Variants in PHKA2 observed in about 807,000 individuals in gnomAD.
The protein encoded by PHKA2 is phosphorylase b kinase regulatory subunit alpha, liver isoform.
Under a neutral mutation model 102.0 loss-of-function variants are expected in PHKA2, and 31 were observed. The observed-to-expected ratio is 0.30, with a 90% confidence interval of 0.23 to 0.41. The LOEUF is 0.41. Among genes scored for constraint, PHKA2 ranks in the 10% least tolerant of loss-of-function variants. The pLI, the probability that PHKA2 is intolerant of heterozygous loss-of-function variation, is 1.00. For missense variants in PHKA2, 858 were observed against 1,023.1 expected (o/e 0.84, Z 2.20); for synonymous variants, 455 against 416.2 (o/e 1.09, Z -1.13).
chrX:18,966,156 C>T (rs1300464915), intron 1 of PHKA2, among the ~76,000 whole-genome samples: 4 of 103,367 alleles, frequency 3.9e-5, no homozygotes, highest in African/African-American at 1.1e-4. Flanking sequence ...GGCGCGATCT[C>T]GGCTCACTAC....
chrX:18,925,291 C>A (rs1034216595), intron 15 of PHKA2, among the ~76,000 whole-genome samples: 9 of 112,513 alleles, frequency 8.0e-5, no homozygotes, highest in African/African-American at 2.9e-4. Context: ...CATTCAGTAT[C>A]CCAGTAAGCG....
chrX:18,979,873 T>C (rs979471745), intron 1 of PHKA2, among the ~76,000 whole-genome samples: 2 of 111,172 alleles, frequency 1.8e-5, no homozygotes, highest in African/African-American at 6.5e-5. Context: ...AACTATTACC[T>C]CTAACAGAAG....
Position 18,946,704 on chromosome X carries a change from T to C in PHKA2, c.538-1546A>G, listed in dbSNP as rs890020812. 6.3e-5 allele frequency among the ~76,000 whole-genome samples: 7 copies of C among 110,719 alleles called. No homozygotes were observed. In the Admixed American group the frequency reaches 6.8e-4, roughly 11 times the overall value. ...CCTCTGGGACTGCACAAGCTATTCCTGCACCCAAACTCCCTATCTCCTCCC... is the reference window on the plus strand; with the variant it reads ...CCTCTGGGACTGCACAAGCTATTCCCGCACCCAAACTCCCTATCTCCTCCC... On this transcript the variant is annotated intron_variant, in intron 5 of 32. Coordinates refer to ENST00000379942, the MANE Select transcript of PHKA2 (RefSeq NM_000292.3).
intron 1 of PHKA2, among the ~76,000 whole-genome samples, chrX:18,978,170 T>C (rs567531728): frequency 9.1e-6 from 1 of 109,531 alleles, no homozygotes; most frequent in South Asian, 3.9e-4. Flanking sequence ...ATAATAATAA[T>C]AATAATAATT....
chrX:18,893,773 T>C (rs1458153168), intron 32 of PHKA2, 118 bp from the exon 33 acceptor site: 6 of 685,729 alleles, frequency 8.7e-6, no homozygotes, highest in Middle Eastern at 4.6e-4. Flanking sequence ...TAGTAGAGCC[T>C]TGGCCTTCTG....
intron 26 of PHKA2, among the ~76,000 whole-genome samples, chrX:18,904,708 CTTTG>C (rs1335688112): frequency 4.5e-5 from 5 of 112,164 alleles, no homozygotes; most frequent in African/African-American, 1.6e-4. Flanking sequence ...ACGATGCTGT[CTTTG>C]TTTGCAGCCA....
In PHKA2 at chrX:18,895,155, A is replaced by C; in HGVS notation, c.3319T>G (p.Ser1107Ala). The change falls in exon 31 of 33, where the codon TCC (serine) becomes GCC (alanine). Residue 1107 changes from serine (S) to alanine (A), a missense_variant. Ser to Ala is a moderately conservative substitution (Grantham distance 99). Coordinates refer to ENST00000379942, the MANE Select transcript of PHKA2 (RefSeq NM_000292.3). ...GLSIDGYVLP[S>A]STTREMTPHE... ...CATCGTACCTCTCGGGTCGTCGAGG[A>C]TGGGAGGACATAACCATCGATGGAG... The C allele has an allele frequency of 8.3e-7, 1 of 1,210,941 alleles. No individual in the cohort carries two copies. The highest frequency in any genetic ancestry group is 1.1e-6 in the Non-Finnish European group (1 of 894,839).
In PHKA2 at chrX:18,897,368, C is replaced by T. The variant is rs780890902; in HGVS notation, c.3112-35G>A. On this transcript the variant is annotated intron_variant, in intron 29 of 32. Transcript: ENST00000379942. ...AGACAGCTTGGGGCCTCAGAAGCCACGCAGCAGGTGCCCCAGGGAAAGTGC... is the reference window on the plus strand; with the variant it reads ...AGACAGCTTGGGGCCTCAGAAGCCATGCAGCAGGTGCCCCAGGGAAAGTGC... The T allele has an allele frequency of 4.3e-5, 51 of 1,178,116 alleles. 2 individuals carry two copies. The South Asian group carries it at 4.6e-4, about 11-fold the overall frequency.
At chrX:18,895,654 C>T in intron 30 of PHKA2, 1 of 150,794 alleles carries the variant, frequency 6.6e-6, no homozygotes, top group South Asian at 1.8e-4. Context: ...TGCACATGCA[C>T]ACCCATGTAT....
At chrX:18,900,756 T>C in intron 27 of PHKA2, 57 bp from the exon 28 acceptor site, 1 of 1,043,773 alleles carries the variant, frequency 9.6e-7, no homozygotes, top group Non-Finnish European at 1.3e-6. Flanking sequence ...GAACGCGTGC[T>C]TCTTCTATTG....
intron 7 of PHKA2, among the ~76,000 whole-genome samples, chrX:18,943,444 C>T (rs1403889132): frequency 9.8e-5 from 11 of 112,425 alleles, no homozygotes. Context: ...AACAAGGCTG[C>T]TTGGATTGCT....
chrX:18,893,480 A>C lies in PHKA2; in HGVS notation c.*5T>G. On this transcript the variant is annotated 3_prime_UTR_variant, in exon 33 of 33. Coordinates refer to ENST00000379942, the MANE Select transcript of PHKA2 (RefSeq NM_000292.3). Reference sequence around the variant, plus strand: ...GAGAGTGTGATCATGTTTCCAGGTGAGACCCTATTGCATCTGGCAGCCCGA... The same window carrying C: ...GAGAGTGTGATCATGTTTCCAGGTGCGACCCTATTGCATCTGGCAGCCCGA... 2 of 1,209,448 alleles carry C rather than the reference A, an allele frequency of 1.7e-6. No homozygotes were observed. Among genetic ancestry groups the C allele is most frequent in the South Asian group, 1.8e-5 (1 of 56,919 alleles).
At chrX:18,967,987 T>C (rs1386139458) in intron 1 of PHKA2, among the ~76,000 whole-genome samples, 1 of 111,706 alleles carries the variant, frequency 9.0e-6, no homozygotes, top group Non-Finnish European at 1.9e-5. Flanking sequence ...ATATTTACCA[T>C]ATTGGAAATT....
At chrX:18,947,859 A>G (rs896108340) in intron 5 of PHKA2, among the ~76,000 whole-genome samples, 1 of 112,228 alleles carries the variant, frequency 8.9e-6, no homozygotes, top group Non-Finnish European at 1.9e-5. Flanking sequence ...AGCGACCTGG[A>G]TGAGACTGGA....
chrX:18,925,483 G>A (rs986476708), intron 15 of PHKA2, among the ~76,000 whole-genome samples, 185 bp downstream of exon 15: 27 of 112,198 alleles, frequency 2.4e-4, no homozygotes, highest in African/African-American at 7.4e-4. Context: ...GTGATGGCAC[G>A]CCTGTCTCAA....
At chrX:18,908,576 T>C (rs1238113233) in intron 21 of PHKA2, among the ~76,000 whole-genome samples, 1 of 111,549 alleles carries the variant, frequency 9.0e-6, no homozygotes, top group African/African-American at 3.3e-5. Flanking sequence ...AGGAAATGAG[T>C]GCCCTTATAA....
chrX:18,948,826 C>G lies in PHKA2; in HGVS notation c.455G>C (p.Gly152Ala), dbSNP rs776096941. The change falls in exon 5 of 33, where the codon GGC becomes GCC. Residue 152 changes from glycine (G) to alanine (A), a missense_variant and splice_region_variant. Transcript: ENST00000379942. ...ATCGAGAGTGAAAATGATACGTAAGCCTAGCAAAGAAAAACAATGAGGTTA... is the reference window on the plus strand; with the variant it reads ...ATCGAGAGTGAAAATGATACGTAAGGCTAGCAAAGAAAAACAATGAGGTTA... ...LLFLAQMTASGLRIIFTLDEV... is the reference protein window; with the variant it reads ...LLFLAQMTASALRIIFTLDEV... The G allele has an allele frequency of 6.9e-6, 8 of 1,162,973 alleles. No homozygotes were observed.
At position 18,901,558 on chromosome X, in the gene PHKA2, T is replaced by A. The variant is rs368331679; in HGVS notation, c.2954A>T (p.His985Leu). The A allele has an allele frequency of 1.8e-5, 22 of 1,202,338 alleles. No individual in the cohort carries two copies. In the African/African-American group the frequency reaches 3.9e-4, roughly 21 times the overall value. ...GGTGACTCCGGTATGGCCCACCTCG[T>A]GGATGGAGATGGTAGGGCTGGATGT... ...SSTSSPTISI[H>L]EVGHTGVTKT... is the part of the protein sequence containing the mutation. Residue 985 changes from histidine (H) to leucine (L), a missense_variant, in exon 27 of 33, where the codon CAC (histidine) becomes CTC (leucine). His to Leu is a moderately conservative substitution (Grantham distance 99, BLOSUM62 -3). Around this residue, in one of 2 missense-constraint regions of PHKA2, gnomAD observed 671 missense variants for 745.2 expected, o/e 0.90. Transcript: ENST00000379942.
Position 18,984,034 on chromosome X carries a change from T to C in PHKA2, c.-102A>G. On this transcript the variant is annotated 5_prime_UTR_variant, in exon 1 of 33. Coordinates refer to ENST00000379942, the MANE Select transcript of PHKA2 (RefSeq NM_000292.3). Reference sequence around the variant, plus strand: ...GTCTGGTTCCCGGACACTCACAGCCTTAGTCGGTTCTTGGGATGGGACCGG... The same window carrying C: ...GTCTGGTTCCCGGACACTCACAGCCCTAGTCGGTTCTTGGGATGGGACCGG... 1 of 665,837 alleles carries C rather than the reference T, an allele frequency of 1.5e-6. No individual in the cohort carries two copies. The highest frequency in any genetic ancestry group is 2.5e-6 in the Non-Finnish European group (1 of 406,908). The allele number at this position is 665,837 out of a possible 1,213,427, so 54.9% of individuals were successfully genotyped here.
Sources: allele counts gnomAD v4.1 joint callset (sites outside exome capture counted in the v4.1 genomes callset), GRCh38; gene constraint gnomAD v4.1.1; regional missense constraint gnomAD v4.1.1; transcripts MANE v1.5; gene names NCBI Gene and HGNC (gene_info 2026-07-23, HGNC 2026-07-21).